KCNG3: variants seen among roughly 807,000 people sequenced by gnomAD.
KCNG3 encodes potassium voltage-gated channel modifier subfamily G member 3, also known as voltage-gated potassium channel regulatory subunit KCNG3.
Under a neutral mutation model 29.0 loss-of-function variants are expected in KCNG3, and 15 were observed. The ratio of observed to expected loss-of-function variants is 0.52; its 90% CI spans 0.35 to 0.80. The LOEUF (loss-of-function observed/expected upper bound fraction) is 0.80. Ranked by LOEUF, KCNG3 falls within the 30% of genes least tolerant of loss-of-function variation. The pLI is 0.01. For synonymous variants in KCNG3, 322 were observed against 248.9 expected, an observed-to-expected ratio of 1.29 and a Z score of -2.76; for missense variants, 512 against 605.7, an observed-to-expected ratio of 0.85 and a Z score of 1.62.
intron 1 of KCNG3, among the ~76,000 whole-genome samples, chr2:42,445,154 G>C (rs1047111688): frequency 6.7e-6 from 1 of 148,604 alleles, no homozygotes; most frequent in Admixed American, 6.7e-5. Context: ...TTTTTTACTT[G>C]TCACTAATAC....
At chr2:42,411,019 G>A in the KCNG3 span, among the ~76,000 whole-genome samples, 1 of 152,096 alleles carries the variant, frequency 6.6e-6, no homozygotes. Flanking sequence ...CTTTCTGACT[G>A]TTTCAATACA....
the KCNG3 span, among the ~76,000 whole-genome samples, chr2:42,398,258 A>C: frequency 3.1e-5 from 4 of 131,076 alleles, no homozygotes; most frequent in Non-Finnish European, 6.7e-5. Flanking sequence ...TAAATAAATA[A>C]ATAAATAAAA....
chr2:42,470,964 C>A (rs1416968812), intron 1 of KCNG3, among the ~76,000 whole-genome samples: 1 of 152,060 alleles, frequency 6.6e-6, no homozygotes, highest in African/African-American at 2.4e-5. Context: ...CCAGCCTGGG[C>A]AACACAGTGA....
chr2:42,493,178 G>A lies in KCNG3; in HGVS notation c.324C>T (p.Leu108=), dbSNP rs1270818680. 2 of 1,609,046 alleles carry A rather than the reference G, an allele frequency of 1.2e-6. No individual in the cohort carries two copies. Among genetic ancestry groups the A allele is most frequent in the Non-Finnish European group, 1.7e-6 (2 of 1,179,764 alleles). The change falls in exon 1 of 2, where the codon CTC becomes CTT. Residue 108 remains leucine (L), a synonymous_variant. Coordinates refer to ENST00000306078, the MANE Select transcript of KCNG3 (RefSeq NM_133329.6). The stretch of plus-strand genomic sequence containing the variant: ...CGAGGCGGCGCTGGCAGCAGTACTC[G>A]AGGTGCGCGCCCTCCAGGCCCCAGT... ...MIYWGLEGAH[L]EYCCQRRLDD... is the part of the protein sequence containing the mutation.
At chr2:42,427,019 G>C in the KCNG3 span, among the ~76,000 whole-genome samples, 1,369 of 152,242 alleles carry the variant, frequency 9.0e-3, 12 homozygotes, top group South Asian at 0.035. Context: ...CCCATAACTA[G>C]AGAACTCTTC....
chr2:42,465,373 C>T lies in KCNG3; in HGVS notation c.666-20794G>A, dbSNP rs142626099. ...CTCGGACTACAGGTGTGCACCACCACGCCCAACTAGTTTTTGTATTTTTAG... is the reference window on the plus strand; with the variant it reads ...CTCGGACTACAGGTGTGCACCACCATGCCCAACTAGTTTTTGTATTTTTAG... On this transcript the variant is annotated intron_variant, in intron 1 of 1. Transcript: ENST00000306078. Among the ~76,000 whole-genome samples, 546 of 151,874 alleles carry T rather than the reference C, an allele frequency of 3.6e-3. 5 individuals are homozygous for T. Among genetic ancestry groups the T allele is most frequent in the African/African-American group, 0.011 (474 of 41,442 alleles).
the KCNG3 span, among the ~76,000 whole-genome samples, chr2:42,420,724 A>T: frequency 6.6e-6 from 1 of 152,110 alleles, no homozygotes; most frequent in Admixed American, 6.6e-5. Flanking sequence ...CAGGAGGCGG[A>T]GGTTGCAGTG....
intron 1 of KCNG3, among the ~76,000 whole-genome samples, chr2:42,486,730 G>A (rs1233067786): frequency 6.6e-6 from 1 of 152,172 alleles, no homozygotes. Context: ...TGCTTACTGT[G>A]CTGTCTGCTT....
In KCNG3 at chr2:42,488,598, G is replaced by A. The variant is rs555514047; in HGVS notation, c.665+4239C>T. 4.6e-5 allele frequency among the ~76,000 whole-genome samples: 7 copies of A among 150,906 alleles called. No homozygotes were observed. In the South Asian group the frequency reaches 1.3e-3, roughly 27 times the overall value. On this transcript the variant is annotated intron_variant, in intron 1 of 1. Transcript: ENST00000306078. ...TCAGTCTCACTTTATCGCCCAGGCT[G>A]GAGTGCAGTAGCGTGATATCGGCTT...
At chr2:42,481,860 G>C (rs1673592121) in intron 1 of KCNG3, among the ~76,000 whole-genome samples, 2 of 152,222 alleles carry the variant, frequency 1.3e-5, no homozygotes, top group South Asian at 2.1e-4. Flanking sequence ...CTATCACAGA[G>C]GCCTGTACTA....
the KCNG3 span, among the ~76,000 whole-genome samples, chr2:42,401,828 G>A: frequency 2.8e-4 from 43 of 152,208 alleles, no homozygotes; most frequent in Non-Finnish European, 5.9e-5. Flanking sequence ...AGGTTTCAGT[G>A]AGCCAAGCTT....
At chr2:42,453,625 T>C (rs921150099) in intron 1 of KCNG3, among the ~76,000 whole-genome samples, 13 of 152,210 alleles carry the variant, frequency 8.5e-5, no homozygotes, top group African/African-American at 2.9e-4. Flanking sequence ...GTCAGATAGG[T>C]AGTTTGCAAA....
chr2:42,432,852 C>A, the KCNG3 span, among the ~76,000 whole-genome samples: 10 of 151,448 alleles, frequency 6.6e-5, no homozygotes, highest in Non-Finnish European at 1.0e-4. Context: ...AAATGTATTT[C>A]CTGATATAGA....
At chr2:42,466,352 G>C (rs1673140831) in intron 1 of KCNG3, among the ~76,000 whole-genome samples, 1 of 152,176 alleles carries the variant, frequency 6.6e-6, no homozygotes. Context: ...GTTGCAGTGA[G>C]CCAAGATCAT....
chr2:42,473,706 TGATAGATGTAGTCAA>T (rs1673349352), intron 1 of KCNG3, among the ~76,000 whole-genome samples: 1 of 152,164 alleles, frequency 6.6e-6, no homozygotes, highest in African/African-American at 2.4e-5. Context: ...CTTAGGTTTT[TGATAGATGTAGTCAA>T]GAAAAACACA....
At chr2:42,482,674 A>G (rs1212306678) in intron 1 of KCNG3, among the ~76,000 whole-genome samples, 10 of 152,214 alleles carry the variant, frequency 6.6e-5, no homozygotes, top group African/African-American at 2.2e-4. Flanking sequence ...GGTTGCAGTG[A>G]GCTGAGATTG....
At chr2:42,434,011 A>C in the KCNG3 span, among the ~76,000 whole-genome samples, 1 of 152,176 alleles carries the variant, frequency 6.6e-6, no homozygotes, top group Non-Finnish European at 1.5e-5. Flanking sequence ...AGTGAATCGA[A>C]AGGCACCTCA....
chr2:42,465,735 A>G (rs1259722435), intron 1 of KCNG3, among the ~76,000 whole-genome samples: 1 of 152,236 alleles, frequency 6.6e-6, no homozygotes, highest in Non-Finnish European at 1.5e-5. Context: ...CATTTATCTG[A>G]CAAAGGACTA....
At chr2:42,392,621 G>A in the KCNG3 span, among the ~76,000 whole-genome samples, 21 of 152,038 alleles carry the variant, frequency 1.4e-4, no homozygotes, top group Non-Finnish European at 2.5e-4. Flanking sequence ...ATGGGAGCTC[G>A]GTCTCAAATC....
Sources: allele counts gnomAD v4.1 joint callset (sites outside exome capture counted in the v4.1 genomes callset), GRCh38; gene constraint gnomAD v4.1.1; transcripts MANE v1.5; gene names NCBI Gene and HGNC (gene_info 2026-07-23, HGNC 2026-07-21).